Variants in INSYN2B observed in about 807,000 individuals in gnomAD.
INSYN2B encodes inhibitory synaptic factor family member 2B.
In INSYN2B, 16 loss-of-function variants were observed where a neutral mutation model predicts 41.2. That is an observed-to-expected ratio of 0.39 (90% confidence interval 0.26 to 0.59). The LOEUF is 0.59. INSYN2B is among the 20% of genes least tolerant of loss of function. INSYN2B has a pLI of 0.57. For missense variants in INSYN2B, 608 were observed against 646.4 expected (o/e 0.94, Z 0.64); for synonymous variants, 245 against 244.4 (o/e 1.00, Z -0.02).
chr5:169,918,742 G>A (rs1193980039), intron 1 of INSYN2B, among the ~76,000 whole-genome samples: 1 of 152,026 alleles, frequency 6.6e-6, no homozygotes, highest in African/African-American at 2.4e-5. Flanking sequence ...GTGAAACCCC[G>A]TCTCTACTAA....
At chr5:169,904,212 C>G (rs896260835) in intron 1 of INSYN2B, among the ~76,000 whole-genome samples, 4 of 151,952 alleles carry the variant, frequency 2.6e-5, no homozygotes, top group Non-Finnish European at 5.9e-5. Flanking sequence ...TGGCAAGAAG[C>G]CTGATGATTT....
At chr5:169,979,145 G>T (rs768861562) in intron 1 of INSYN2B, among the ~76,000 whole-genome samples, 1 of 152,166 alleles carries the variant, frequency 6.6e-6, no homozygotes, top group Non-Finnish European at 1.5e-5. Context: ...ACTGCAAGGG[G>T]TCCCTCCACC....
At chr5:169,918,079 T>C (rs1232978397) in intron 1 of INSYN2B, among the ~76,000 whole-genome samples, 1 of 152,188 alleles carries the variant, frequency 6.6e-6, no homozygotes, top group Non-Finnish European at 1.5e-5. Flanking sequence ...CCTTCCTATT[T>C]TGGGGGAAAA....
intron 1 of INSYN2B, among the ~76,000 whole-genome samples, chr5:169,949,801 C>T (rs1453993163): frequency 8.0e-5 from 12 of 150,204 alleles, no homozygotes; most frequent in Admixed American, 7.3e-4. Flanking sequence ...AAGGTTGTCA[C>T]CCTGTCATTT....
chr5:169,922,970 G>T (rs944331696), intron 1 of INSYN2B, among the ~76,000 whole-genome samples: 5 of 152,088 alleles, frequency 3.3e-5, no homozygotes, highest in African/African-American at 1.2e-4. Flanking sequence ...TGTAAATATC[G>T]AATTGTGAAT....
rs183635518 is a variant in INSYN2B at position 169,866,131 on chromosome 5, G to A, written c.1422-1672C>T. On this transcript the variant is annotated intron_variant, in intron 3 of 3. Coordinates refer to ENST00000377365, the MANE Select transcript of INSYN2B (RefSeq NM_001129891.3). ...TGTTTTATAGCAAGACTGATGGGGT[G>A]TTAGTTCTTAGGGAGCACTAGGAAA... Among the ~76,000 whole-genome samples the A allele has an allele frequency of 5.8e-3, 886 of 152,248 alleles. 8 individuals are homozygous for A. Among genetic ancestry groups the A allele is most frequent in the African/African-American group, 0.021 (861 of 41,508 alleles).
chr5:169,979,282 G>A (rs975149673), intron 1 of INSYN2B, among the ~76,000 whole-genome samples: 74 of 152,188 alleles, frequency 4.9e-4, no homozygotes, highest in Admixed American at 4.5e-3. Flanking sequence ...GGCAAATGCA[G>A]TCTGCTCAAC....
intron 1 of INSYN2B, among the ~76,000 whole-genome samples, chr5:169,912,854 A>G (rs1282725597): frequency 6.6e-6 from 1 of 151,886 alleles, no homozygotes; most frequent in South Asian, 2.1e-4. Context: ...TTTTTTTTCA[A>G]TCAACTCATT....
chr5:169,974,506 G>C (rs1261211953), intron 1 of INSYN2B, among the ~76,000 whole-genome samples: 2 of 152,174 alleles, frequency 1.3e-5, no homozygotes, highest in East Asian at 3.8e-4. Context: ...TTAGCCCACA[G>C]TACCTCCTGT....
chr5:169,866,828 A>T (rs1479482706), intron 3 of INSYN2B, among the ~76,000 whole-genome samples: 2 of 152,180 alleles, frequency 1.3e-5, no homozygotes, highest in African/African-American at 4.8e-5. Flanking sequence ...ACAGAAGAAG[A>T]CTTCTATGAC....
intron 1 of INSYN2B, among the ~76,000 whole-genome samples, chr5:169,941,013 C>G (rs939593009): frequency 6.6e-6 from 1 of 152,148 alleles, no homozygotes; most frequent in Non-Finnish European, 1.5e-5. Context: ...GTGAGAAAAA[C>G]AGACAGAAAG....
chr5:169,885,147 C>A (rs1027351674), intron 1 of INSYN2B, among the ~76,000 whole-genome samples: 4 of 152,220 alleles, frequency 2.6e-5, no homozygotes, highest in Non-Finnish European at 1.5e-5. Flanking sequence ...AAGACCACAT[C>A]AGGACCCATT....
At chr5:169,948,329 T>C (rs1312330633) in intron 1 of INSYN2B, among the ~76,000 whole-genome samples, 1 of 152,166 alleles carries the variant, frequency 6.6e-6, no homozygotes, top group Non-Finnish European at 1.5e-5. Context: ...ATAAGTGTTA[T>C]GAAAAAGATA....
chr5:169,945,725 A>G (rs1776423023), intron 1 of INSYN2B, among the ~76,000 whole-genome samples: 1 of 152,156 alleles, frequency 6.6e-6, no homozygotes, highest in Admixed American at 6.5e-5. Context: ...TCATTCTTTC[A>G]GCCTGCAGAA....
chr5:169,917,715 A>C (rs1223945064), intron 1 of INSYN2B, among the ~76,000 whole-genome samples: 1 of 152,204 alleles, frequency 6.6e-6, no homozygotes, highest in Non-Finnish European at 1.5e-5. Flanking sequence ...TCCACAGGGA[A>C]GATAATTGAA....
chr5:169,923,483 GCACACACACACA>G (rs34053722), intron 1 of INSYN2B, among the ~76,000 whole-genome samples: 23 of 148,926 alleles, frequency 1.5e-4, no homozygotes, highest in Admixed American at 8.0e-4. Context: ...ATGCACGTGG[GCACACACACACA>G]CACACACACA....
chr5:169,942,761 T>C (rs140796354), intron 1 of INSYN2B, among the ~76,000 whole-genome samples: 230 of 152,270 alleles, frequency 1.5e-3, no homozygotes, highest in African/African-American at 5.5e-3. Flanking sequence ...GAAACAGAGA[T>C]CACCAACTAG....
chr5:169,963,276 T>G (rs1306401841), intron 1 of INSYN2B, among the ~76,000 whole-genome samples: 1 of 152,176 alleles, frequency 6.6e-6, no homozygotes, highest in East Asian at 1.9e-4. Flanking sequence ...GACAGATCCC[T>G]TATTTTCTCT....
intron 1 of INSYN2B, among the ~76,000 whole-genome samples, chr5:169,969,654 C>G (rs1273752468): frequency 1.3e-5 from 2 of 152,182 alleles, no homozygotes; most frequent in Non-Finnish European, 2.9e-5. Context: ...AAAGGTCACA[C>G]GTGCAGTGCC....
Sources: gnomAD v4.1 joint callset for allele counts (sites outside exome capture counted in the v4.1 genomes callset) on GRCh38, gnomAD v4.1.1 for gene constraint, MANE v1.5 for transcripts, NCBI Gene and HGNC (gene_info 2026-07-23, HGNC 2026-07-21) for gene names.